Variants in RNF180 observed in about 807,000 individuals in gnomAD.
RNF180 encodes the protein E3 ubiquitin-protein ligase RNF180.
A neutral mutation model predicts 59.2 loss-of-function variants in RNF180; 38 were observed. The observed-to-expected ratio is 0.64, with a 90% CI of 0.50 to 0.84. The LOEUF (loss-of-function observed/expected upper bound fraction) is 0.84. RNF180 is among the 40% of genes least tolerant of loss of function. The probability of loss-of-function intolerance (pLI) is 0.00; values close to 1 mark genes in which losing one functional copy is unlikely to be tolerated. For missense variants in RNF180, 705 were observed against 700.9 expected, an observed-to-expected ratio of 1.01 and a Z score of -0.07; for synonymous variants, 262 against 240.3, an observed-to-expected ratio of 1.09 and a Z score of -0.84.
rs901639858 is a variant in RNF180 at position 64,283,887 on chromosome 5, A to G, written c.1228-41299A>G. ...TTTAAAATTGGTAGGTGCACATTTGATCCTATCATTGTGTGTTGTTAGCTG... is the reference window on the plus strand; with the variant it reads ...TTTAAAATTGGTAGGTGCACATTTGGTCCTATCATTGTGTGTTGTTAGCTG... On this transcript the variant is annotated intron_variant, in intron 5 of 7. Transcript: ENST00000389100. Among the ~76,000 whole-genome samples, 4 of 152,292 alleles carry G rather than the reference A, an allele frequency of 2.6e-5. No homozygotes were observed. In the East Asian group the frequency reaches 7.7e-4, roughly 29 times the overall value.
At chr5:64,279,102 A>G (rs1341292910) in intron 5 of RNF180, among the ~76,000 whole-genome samples, 1 of 152,212 alleles carries the variant, frequency 6.6e-6, no homozygotes, top group Non-Finnish European at 1.5e-5. Flanking sequence ...GCCCTATAAC[A>G]TACCAACATT....
At chr5:64,224,542 TA>T (rs1241994189) in intron 5 of RNF180, among the ~76,000 whole-genome samples, 6 of 152,168 alleles carry the variant, frequency 3.9e-5, no homozygotes, top group Non-Finnish European at 7.4e-5. Flanking sequence ...GGTTAATATT[TA>T]ATGAGCTTTA....
At chr5:64,327,255 G>T (rs1276746668) in intron 6 of RNF180, among the ~76,000 whole-genome samples, 2 of 151,732 alleles carry the variant, frequency 1.3e-5, no homozygotes, top group African/African-American at 4.8e-5. Context: ...TGTTAATTTT[G>T]TTGTTGTTTT....
intron 5 of RNF180, among the ~76,000 whole-genome samples, chr5:64,240,310 G>C (rs1242501441): frequency 6.6e-6 from 1 of 152,154 alleles, no homozygotes; most frequent in Non-Finnish European, 1.5e-5. Flanking sequence ...GGTCCTCTAT[G>C]AATTAAATCT....
intron 5 of RNF180, among the ~76,000 whole-genome samples, chr5:64,322,260 C>G (rs534105582): frequency 5.9e-5 from 9 of 152,024 alleles, no homozygotes; most frequent in Non-Finnish European, 1.2e-4. Flanking sequence ...ATCTACCCAT[C>G]TGACTATGGT....
At position 64,359,119 on chromosome 5, in the gene RNF180, G is replaced by C. The variant is rs1433807945; in HGVS notation, c.1580-10496G>C. Among the ~76,000 whole-genome samples, 4 of 151,584 alleles carry C rather than the reference G, an allele frequency of 2.6e-5. No individual in the cohort carries two copies. The East Asian group carries it at 5.8e-4, about 22-fold the overall frequency. On this transcript the variant is annotated intron_variant, in intron 7 of 7. Coordinates refer to ENST00000389100, the MANE Select transcript of RNF180 (RefSeq NM_001113561.2). ...TACGTGTGCATGTGTCTTTATAGCA[G>C]CATGATTTATAGTCCTTTGGGTATA...
chr5:64,169,163 C>T (rs1249295512), intron 1 of RNF180, among the ~76,000 whole-genome samples: 1 of 152,172 alleles, frequency 6.6e-6, no homozygotes, highest in Admixed American at 6.5e-5. Context: ...TTATGTGGCA[C>T]TGAGCATGAG....
chr5:64,238,690 T>C (rs1742597668), intron 5 of RNF180, among the ~76,000 whole-genome samples: 1 of 152,208 alleles, frequency 6.6e-6, no homozygotes, highest in African/African-American at 2.4e-5. Flanking sequence ...GGGTTATTTT[T>C]TACTACTGAG....
intron 5 of RNF180, among the ~76,000 whole-genome samples, chr5:64,240,511 C>T (rs1391202065): frequency 3.3e-5 from 5 of 152,140 alleles, no homozygotes; most frequent in African/African-American, 4.8e-5. Flanking sequence ...ACATGTGTAC[C>T]TGATATGCAG....
At chr5:64,336,558 T>C (rs908831198) in intron 7 of RNF180, among the ~76,000 whole-genome samples, 11 of 152,184 alleles carry the variant, frequency 7.2e-5, no homozygotes, top group African/African-American at 1.9e-4. Flanking sequence ...TTCTCCCAAA[T>C]GACTAGCCTA....
At chr5:64,352,447 T>C (rs1273248769) in intron 7 of RNF180, among the ~76,000 whole-genome samples, 4 of 152,088 alleles carry the variant, frequency 2.6e-5, no homozygotes, top group Non-Finnish European at 5.9e-5. Flanking sequence ...TCTGCTAGCT[T>C]TTGATATGTT....
At chr5:64,237,788 T>C (rs1161263976) in intron 5 of RNF180, among the ~76,000 whole-genome samples, 1 of 152,156 alleles carries the variant, frequency 6.6e-6, no homozygotes, top group African/African-American at 2.4e-5. Context: ...GATCTGGTTG[T>C]TTGATAAATG....
intron 1 of RNF180, among the ~76,000 whole-genome samples, chr5:64,190,122 G>C (rs1329032805): frequency 6.6e-6 from 1 of 152,160 alleles, no homozygotes; most frequent in Non-Finnish European, 1.5e-5. Flanking sequence ...GCCACCCAGA[G>C]CCAAGGGAGC....
chr5:64,253,539 G>A (rs563260701), intron 5 of RNF180, among the ~76,000 whole-genome samples: 88 of 152,184 alleles, frequency 5.8e-4, no homozygotes, highest in African/African-American at 2.0e-3. Context: ...AAATATCACT[G>A]AGATTGAAAT....
At chr5:64,228,915 CTTTTTTTTTTTTTT>C (rs373212886) in intron 5 of RNF180, among the ~76,000 whole-genome samples, 1 of 98,490 alleles carries the variant, frequency 1.0e-5, no homozygotes, top group Non-Finnish European at 1.9e-5. Flanking sequence ...TCTATTACTG[CTTTTTTTTTTTTTT>C]TTTTTTTTTT....
At chr5:64,343,129 C>T (rs1745423125) in intron 7 of RNF180, among the ~76,000 whole-genome samples, 1 of 151,946 alleles carries the variant, frequency 6.6e-6, no homozygotes, top group Admixed American at 6.6e-5. Flanking sequence ...TGTGACCACT[C>T]ATCAAAAAAG....
chr5:64,357,059 C>CA (rs1194790556), intron 7 of RNF180, among the ~76,000 whole-genome samples: 4 of 151,514 alleles, frequency 2.6e-5, no homozygotes, highest in South Asian at 2.1e-4. Flanking sequence ...TGAACCGAAA[C>CA]AAAAAAATGT....
intron 5 of RNF180, among the ~76,000 whole-genome samples, chr5:64,305,392 G>A (rs1443418078): frequency 1.3e-5 from 2 of 151,518 alleles, no homozygotes; most frequent in Non-Finnish European, 1.5e-5. Context: ...GTTGATGTTT[G>A]AAACCAGATC....
At chr5:64,278,914 C>G (rs375324560) in intron 5 of RNF180, among the ~76,000 whole-genome samples, 1 of 152,184 alleles carries the variant, frequency 6.6e-6, no homozygotes, top group East Asian at 1.9e-4. Flanking sequence ...GCTGCTGTGC[C>G]TGGTATGATG....
Sources: allele counts gnomAD v4.1 joint callset (sites outside exome capture counted in the v4.1 genomes callset), GRCh38; gene constraint gnomAD v4.1.1; transcripts MANE v1.5; gene names NCBI Gene and HGNC (gene_info 2026-07-23, HGNC 2026-07-21).